PXDNL: variants seen among roughly 807,000 people sequenced by gnomAD.
The protein encoded by PXDNL is probable oxidoreductase PXDNL.
A neutral mutation model predicts 150.8 loss-of-function variants in PXDNL; 145 were observed. The observed-to-expected ratio is 0.96, with a 90% CI of 0.84 to 1.10. The LOEUF is 1.10. Ranked by LOEUF, PXDNL falls within the 50% of genes least tolerant of loss-of-function variation. The pLI, the probability that PXDNL is intolerant of heterozygous loss-of-function variation, is 0.00. For missense variants in PXDNL, 2,087 were observed against 1,873.9 expected (o/e 1.11, Z -2.10); for synonymous variants, 757 against 725.7 (o/e 1.04, Z -0.69).
chr8:51,558,377 T>C (rs1812639701), intron 3 of PXDNL, among the ~76,000 whole-genome samples: 1 of 152,008 alleles, frequency 6.6e-6, no homozygotes, highest in African/African-American at 2.4e-5. Flanking sequence ...AAGTATTCTG[T>C]AAATGTACCC....
intron 1 of PXDNL, among the ~76,000 whole-genome samples, chr8:51,788,409 C>T (rs2037479903): frequency 6.6e-6 from 1 of 152,132 alleles, no homozygotes; most frequent in Non-Finnish European, 1.5e-5. Context: ...AGCCACCACT[C>T]AATTGTTCAA....
At chr8:51,460,311 G>T (rs1810045718) in intron 8 of PXDNL, among the ~76,000 whole-genome samples, 1 of 149,948 alleles carries the variant, frequency 6.7e-6, no homozygotes. Flanking sequence ...TAGTATAGTT[G>T]TAAAGTTTGC....
intron 19 of PXDNL, among the ~76,000 whole-genome samples, chr8:51,355,851 G>A (rs983839503): frequency 6.6e-5 from 10 of 152,218 alleles, no homozygotes; most frequent in African/African-American, 2.4e-4. Context: ...ATGTTAAAAT[G>A]TCAAGACTGT....
chr8:51,473,634 C>T (rs1810402016), intron 7 of PXDNL, among the ~76,000 whole-genome samples: 1 of 151,356 alleles, frequency 6.6e-6, no homozygotes, highest in Non-Finnish European at 1.5e-5. Flanking sequence ...AGGAGATATA[C>T]CTAATGTTAA....
intron 1 of PXDNL, among the ~76,000 whole-genome samples, chr8:51,801,573 C>T (rs915769955): frequency 2.0e-5 from 3 of 151,778 alleles, no homozygotes; most frequent in African/African-American, 7.3e-5. Flanking sequence ...TGTAAAATTC[C>T]TCTCTTTGCA....
chr8:51,358,981 C>T (rs1806621173), intron 19 of PXDNL, among the ~76,000 whole-genome samples: 1 of 152,158 alleles, frequency 6.6e-6, no homozygotes, highest in Non-Finnish European at 1.5e-5. Flanking sequence ...GAGCTTCTGC[C>T]CTCAGAGTGT....
At chr8:51,755,737 T>C (rs970615131) in intron 1 of PXDNL, among the ~76,000 whole-genome samples, 1 of 152,204 alleles carries the variant, frequency 6.6e-6, no homozygotes, top group Non-Finnish European at 1.5e-5. Context: ...ACTAATTGTG[T>C]GTTCACAGTC....
chr8:51,644,345 C>T (rs1351272081), intron 2 of PXDNL, among the ~76,000 whole-genome samples: 8,597 of 44,552 alleles, frequency 0.19, 2,186 homozygotes, highest in Non-Finnish European at 0.31. Context: ...TATACACACA[C>T]ACACACACAC....
intron 5 of PXDNL, among the ~76,000 whole-genome samples, chr8:51,492,035 T>C (rs1283421596): frequency 6.6e-6 from 1 of 152,256 alleles, no homozygotes; most frequent in Non-Finnish European, 1.5e-5. Flanking sequence ...TGTGATTTTA[T>C]GCCTTGCAAC....
chr8:51,656,251 C>A (rs1815147379), intron 1 of PXDNL, among the ~76,000 whole-genome samples: 1 of 152,194 alleles, frequency 6.6e-6, no homozygotes, highest in Non-Finnish European at 1.5e-5. Flanking sequence ...AATCTATCAT[C>A]TATCACTTCA....
At chr8:51,785,149 C>G (rs1474685714) in intron 1 of PXDNL, among the ~76,000 whole-genome samples, 1 of 152,034 alleles carries the variant, frequency 6.6e-6, no homozygotes, top group African/African-American at 2.4e-5. Context: ...TGATCGTGGT[C>G]CTTTACACTC....
At position 51,546,209 on chromosome 8, in the gene PXDNL, G is replaced by T. The variant is rs78908539; in HGVS notation, c.380+10631C>A. Among the ~76,000 whole-genome samples the T allele has an allele frequency of 3.5e-3, 538 of 152,326 alleles. 3 individuals are homozygous for T. Among genetic ancestry groups the T allele is most frequent in the African/African-American group, 0.012 (502 of 41,564 alleles). ...TAAATTGTTAGAGGGGGAAAATTCA[G>T]CCTCTGAACATGCATTCCCACTGGG... On this transcript the variant is annotated intron_variant, in intron 4 of 22. Coordinates refer to ENST00000356297, the MANE Select transcript of PXDNL (RefSeq NM_144651.5).
chr8:51,496,880 A>G (rs1012857761), intron 5 of PXDNL, among the ~76,000 whole-genome samples: 4 of 152,234 alleles, frequency 2.6e-5, no homozygotes, highest in African/African-American at 4.8e-5. Flanking sequence ...TATAGATTCA[A>G]TGCCATCCCC....
chr8:51,641,811 A>T (rs1388908397), intron 2 of PXDNL, among the ~76,000 whole-genome samples: 1 of 152,148 alleles, frequency 6.6e-6, no homozygotes, highest in South Asian at 2.1e-4. Flanking sequence ...TTCCTCAGGG[A>T]TCTAGAACTA....
At chr8:51,716,095 A>G (rs910928937) in intron 1 of PXDNL, among the ~76,000 whole-genome samples, 3 of 152,214 alleles carry the variant, frequency 2.0e-5, no homozygotes, top group Non-Finnish European at 4.4e-5. Context: ...CTCAGCTAAC[A>G]TTCACTGACA....
intron 19 of PXDNL, among the ~76,000 whole-genome samples, chr8:51,371,239 T>G (rs1165636101): frequency 6.6e-6 from 1 of 152,220 alleles, no homozygotes; most frequent in Non-Finnish European, 1.5e-5. Context: ...TCTTTGGACT[T>G]TGAGAAAGTC....
intron 1 of PXDNL, among the ~76,000 whole-genome samples, chr8:51,677,091 G>T (rs538894179): frequency 6.6e-6 from 1 of 152,340 alleles, no homozygotes; most frequent in East Asian, 1.9e-4. Flanking sequence ...TAATTTAGAA[G>T]ATGAAAGCCT....
intron 14 of PXDNL, among the ~76,000 whole-genome samples, chr8:51,413,798 C>T (rs192703989): frequency 1.5e-4 from 23 of 152,278 alleles, no homozygotes; most frequent in African/African-American, 4.6e-4. Context: ...TATTTACTTA[C>T]AGCTGATCAT....
intron 5 of PXDNL, among the ~76,000 whole-genome samples, chr8:51,490,627 T>TATATATATATAC (rs1554545860): frequency 1.6e-4 from 23 of 146,746 alleles, no homozygotes; most frequent in African/African-American, 5.7e-4. Flanking sequence ...ATGAGTCACA[T>TATATATATATAC]ATATATATAC....
Sources: gnomAD v4.1 joint callset for allele counts (sites outside exome capture counted in the v4.1 genomes callset) on GRCh38, gnomAD v4.1.1 for gene constraint, MANE v1.5 for transcripts, NCBI Gene and HGNC (gene_info 2026-07-23, HGNC 2026-07-21) for gene names.